Variants in AKAP9 observed in about 807,000 individuals in gnomAD.
The protein encoded by AKAP9 is A-kinase anchor protein 9.
Under a neutral mutation model 488.5 loss-of-function variants are expected in AKAP9, and 311 were observed. The ratio of observed to expected loss-of-function variants is 0.64; its 90% CI spans 0.58 to 0.70. AKAP9 has a LOEUF of 0.70. Ranked by LOEUF, AKAP9 falls within the 30% of genes least tolerant of loss-of-function variation. The pLI is 0.00. For missense variants in AKAP9, 4,215 were observed against 4,374.5 expected (o/e 0.96, Z 1.03); for synonymous variants, 1,462 against 1,483.5 (o/e 0.99, Z 0.33).
intron 30 of AKAP9, 52 bp from the exon 31 acceptor site, chr7:92,079,027 A>G (rs569061720): frequency 7.5e-7 from 1 of 1,329,760 alleles, no homozygotes; most frequent in African/African-American, 1.5e-5. Context: ...TAAAATTTTC[A>G]AAATGTAAAT....
At chr7:92,010,950 G>A (rs144035278) in intron 8 of AKAP9, among the ~76,000 whole-genome samples, 1 of 152,132 alleles carries the variant, frequency 6.6e-6, no homozygotes, top group East Asian at 1.9e-4. Flanking sequence ...ACTGTGTCCA[G>A]CCCATATAGT....
intron 47 of AKAP9, among the ~76,000 whole-genome samples, chr7:92,106,758 T>C (rs1300057374): frequency 6.6e-6 from 1 of 152,184 alleles, no homozygotes; most frequent in Non-Finnish European, 1.5e-5. Context: ...CACCTTTACA[T>C]ACTCTACCAG....
intron 14 of AKAP9, among the ~76,000 whole-genome samples, chr7:92,025,094 T>G (rs1038160282): frequency 2.0e-5 from 3 of 152,202 alleles, no homozygotes; most frequent in African/African-American, 7.2e-5. Flanking sequence ...TTTAACAATA[T>G]AATTCAGAGG....
At position 91,940,977 on chromosome 7, in the gene AKAP9, C is replaced by G. The variant is rs1023593701; in HGVS notation, c.-123C>G. 1.0e-5 allele frequency: 11 copies of G among 1,054,010 alleles called. No homozygotes were observed. Among genetic ancestry groups the G allele is most frequent in the Admixed American group, 8.6e-5 (5 of 58,116 alleles). 65.3% of individuals were successfully genotyped at this position (1,054,010 alleles called of 1,614,324 possible). A position where few individuals can be genotyped will look rare whatever the true frequency, so the allele number is the denominator to read the frequency against. On this transcript the variant is annotated 5_prime_UTR_variant, in exon 1 of 50. Transcript: ENST00000356239. ...TGCTTCCACTTCGGGCGGGGGAGCG[C>G]CGGACCGAATCGGCTCTCTAGGCCG... is the stretch of plus-strand genomic sequence containing the variant.
intron 1 of AKAP9, among the ~76,000 whole-genome samples, chr7:91,956,088 T>C (rs1001299287): frequency 2.0e-5 from 3 of 152,234 alleles, no homozygotes; most frequent in African/African-American, 7.2e-5. Flanking sequence ...AATTCAGTAA[T>C]AAGCAAATCT....
At chr7:92,072,978 G>C (rs1811964477) in intron 28 of AKAP9, among the ~76,000 whole-genome samples, 1 of 152,184 alleles carries the variant, frequency 6.6e-6, no homozygotes, top group Non-Finnish European at 1.5e-5. Flanking sequence ...GTTCCTCTCA[G>C]ATTTCTGTGA....
In AKAP9 at chr7:92,052,782, A is replaced by G; in HGVS notation, c.5425A>G (p.Asn1809Asp). The G allele has an allele frequency of 6.2e-7, 1 of 1,613,810 alleles. No homozygotes were observed. Among genetic ancestry groups the G allele is most frequent in the East Asian group, 2.2e-5 (1 of 44,852 alleles). ...AAGTGATATGCCAAGAAATGACATTAACATGTGGTCAAAAGTAACTGAGGA... is the reference window on the plus strand; with the variant it reads ...AAGTGATATGCCAAGAAATGACATTGACATGTGGTCAAAAGTAACTGAGGA... ...SGSDMPRNDINMWSKVTEEGT... is the reference protein window; with the variant it reads ...SGSDMPRNDIDMWSKVTEEGT... Residue 1809 changes from asparagine (N) to aspartate (D), a missense_variant, in exon 22 of 50, where the codon AAC (asparagine) becomes GAC (aspartate). Around this residue, in one of 5 missense-constraint regions of AKAP9, gnomAD observed 2,361 missense variants for 2,430.0 expected, o/e 0.97. Transcript: ENST00000356239.
At position 92,083,704 on chromosome 7, in the gene AKAP9, A is replaced by T. The variant is rs114399745; in HGVS notation, c.8646+49A>T. ...TTTTTCAACATTGTGTGGTTTTTTAAAAAAAAAAAATCAGTTTAATTCATT... is the reference window on the plus strand; with the variant it reads ...TTTTTCAACATTGTGTGGTTTTTTATAAAAAAAAAATCAGTTTAATTCATT... On this transcript the variant is annotated intron_variant, in intron 33 of 49. Transcript: ENST00000356239. The T allele has an allele frequency of 0.37, 571,646 of 1,548,942 alleles. 101,083 individuals carry two copies. The highest frequency in any genetic ancestry group is 0.45 in the African/African-American group (32,358 of 72,190).
intron 44 of AKAP9, among the ~76,000 whole-genome samples, chr7:92,100,644 C>G (rs1394281065): frequency 2.0e-5 from 3 of 152,200 alleles, no homozygotes; most frequent in Non-Finnish European, 4.4e-5. Flanking sequence ...CAGGCTTTCT[C>G]AAGGACTTTT....
chr7:91,978,936 T>G (rs1422734036), intron 2 of AKAP9, among the ~76,000 whole-genome samples: 4 of 143,300 alleles, frequency 2.8e-5, no homozygotes, highest in Non-Finnish European at 6.1e-5. Flanking sequence ...TTTTGTATTT[T>G]TTTTTTTTTT....
In AKAP9 at chr7:91,941,057, C is replaced by T; in HGVS notation, c.-43C>T. ...TCGACCTTTCCTTTCTATCCCCAAC[C>T]ACCCCTCAACCCCTGTTTTCCCCTG... is the stretch of plus-strand genomic sequence containing the variant. On this transcript the variant is annotated 5_prime_UTR_variant, in exon 1 of 50. Transcript: ENST00000356239. 1.3e-6 allele frequency: 2 copies of T among 1,587,300 alleles called. No individual in the cohort carries two copies. Among genetic ancestry groups the T allele is most frequent in the Non-Finnish European group, 1.7e-6 (2 of 1,155,508 alleles).
intron 22 of AKAP9, among the ~76,000 whole-genome samples, chr7:92,055,943 T>C (rs1808718084): frequency 6.6e-6 from 1 of 152,012 alleles, no homozygotes; most frequent in African/African-American, 2.4e-5. Flanking sequence ...GTGTTCCTAA[T>C]ATAACTACTT....
At chr7:92,071,102 A>G in intron 28 of AKAP9, 93 bp downstream of exon 28, 1 of 1,224,124 alleles carries the variant, frequency 8.2e-7, no homozygotes. Flanking sequence ...GTAGTTTATG[A>G]TCTAAAACCA....
intron 1 of AKAP9, among the ~76,000 whole-genome samples, chr7:91,948,444 T>G (rs1791746923): frequency 6.6e-6 from 1 of 152,098 alleles, no homozygotes. Context: ...ACAGTTGTGT[T>G]TTCTGTTTTT....
intron 44 of AKAP9, among the ~76,000 whole-genome samples, chr7:92,100,290 A>G (rs1242286873): frequency 2.6e-5 from 4 of 152,242 alleles, no homozygotes; most frequent in Non-Finnish European, 5.9e-5. Context: ...TGACTCAATT[A>G]AAAGGTTCTG....
intron 46 of AKAP9, 108 bp downstream of exon 46, chr7:92,102,934 AGGAGG>A: frequency 2.0e-6 from 2 of 1,014,576 alleles, no homozygotes; most frequent in Non-Finnish European, 3.0e-6. Flanking sequence ...TTTATATAGT[AGGAGG>A]TATGTGCCAT....
At chr7:92,021,059 A>G (rs1037053366) in intron 12 of AKAP9, among the ~76,000 whole-genome samples, 1 of 152,172 alleles carries the variant, frequency 6.6e-6, no homozygotes, top group Non-Finnish European at 1.5e-5. Flanking sequence ...AACCCTCCTC[A>G]AGAAGATCAT....
intron 16 of AKAP9, among the ~76,000 whole-genome samples, chr7:92,034,808 C>G (rs73407508): frequency 1.3e-5 from 2 of 151,772 alleles, no homozygotes; most frequent in Non-Finnish European, 2.9e-5. Flanking sequence ...CTGTAGTATT[C>G]TTTTATCATT....
At chr7:92,017,862 C>T (rs1199414999) in intron 12 of AKAP9, among the ~76,000 whole-genome samples, 1 of 152,112 alleles carries the variant, frequency 6.6e-6, no homozygotes, top group Non-Finnish European at 1.5e-5. Flanking sequence ...CCTTATCTAG[C>T]CTTTCCAAAA....
Sources: gnomAD v4.1 joint callset for allele counts (sites outside exome capture counted in the v4.1 genomes callset) on GRCh38, gnomAD v4.1.1 for gene constraint, gnomAD v4.1.1 regional missense constraint, MANE v1.5 for transcripts, NCBI Gene and HGNC (gene_info 2026-07-23, HGNC 2026-07-21) for gene names.